The following ZFHX3 variants were observed in gnomAD, a reference collection of about 807,000 sequenced individuals.
ZFHX3 encodes zinc finger homeobox 3.
ZFHX3 carries 42 observed loss-of-function variants against 279.1 expected under a neutral mutation model. The ratio of observed to expected loss-of-function variants is 0.15; its 90% CI spans 0.12 to 0.19. The LOEUF (loss-of-function observed/expected upper bound fraction) is 0.19. Among genes scored for constraint, ZFHX3 ranks in the 10% least tolerant of loss-of-function variants. The pLI is 1.00. For missense variants in ZFHX3, 4,981 were observed against 4,754.0 expected, an observed-to-expected ratio of 1.05 and a Z score of -1.40; for synonymous variants, 2,293 against 1,957.8, an observed-to-expected ratio of 1.17 and a Z score of -4.52.
intron 2 of ZFHX3, among the ~76,000 whole-genome samples, chr16:73,672,296 C>A (rs538121935): frequency 6.6e-6 from 1 of 152,044 alleles, no homozygotes; most frequent in Non-Finnish European, 1.5e-5. Flanking sequence ...ATATACAAAA[C>A]CAAAATATAT....
chr16:73,165,237 A>G (rs545392443), intron 5 of ZFHX3, among the ~76,000 whole-genome samples: 54 of 152,328 alleles, frequency 3.5e-4, no homozygotes, highest in African/African-American at 1.2e-3. Flanking sequence ...ACCCGGATGC[A>G]AAACACGCCG....
In ZFHX3 at chr16:73,469,625, A is replaced by ATTT. The variant is rs201421708; in HGVS notation, c.-1546-13368_-1546-13367insAAA. On this transcript the variant is annotated intron_variant, in intron 2 of 17. Transcript: ENST00000641206. ...TAGTCCCAACCTCCAATATATATAT[A>ATTT]TATTTTTTTTGAGACAGAATCTCAC... is the stretch of plus-strand genomic sequence containing the variant. Among the ~76,000 whole-genome samples the ATTT allele has an allele frequency of 0.016, 2,400 of 151,120 alleles. 177 individuals are homozygous for ATTT. The East Asian group carries it at 0.25, about 16-fold the overall frequency.
chr16:73,079,654 C>A (rs6416750), intron 8 of ZFHX3, among the ~76,000 whole-genome samples: 141,703 of 151,926 alleles, frequency 0.93, 66,150 homozygotes, highest in East Asian at 1. Context: ...TCTTTACTCC[C>A]TTTCTACTTG....
At chr16:72,802,860 A>C (rs2036149724) in intron 7 of ZFHX3, among the ~76,000 whole-genome samples, 1 of 152,180 alleles carries the variant, frequency 6.6e-6, no homozygotes, top group African/African-American at 2.4e-5. Context: ...CTGCCAACAG[A>C]GCCCATTGAG....
chr16:73,575,762 C>T (rs185959733), intron 2 of ZFHX3, among the ~76,000 whole-genome samples: 1 of 152,284 alleles, frequency 6.6e-6, no homozygotes, highest in East Asian at 1.9e-4. Context: ...ACATCTCACT[C>T]ATGCCGCGGG....
chr16:73,660,380 T>C (rs1408535285), intron 2 of ZFHX3, among the ~76,000 whole-genome samples: 2 of 152,184 alleles, frequency 1.3e-5, no homozygotes, highest in South Asian at 4.2e-4. Flanking sequence ...TGGACACATT[T>C]AAATTACTGT....
At chr16:73,653,499 A>G (rs1374127620) in intron 2 of ZFHX3, among the ~76,000 whole-genome samples, 2 of 152,204 alleles carry the variant, frequency 1.3e-5, no homozygotes. Context: ...ACTATGGCTC[A>G]ACAAAGGAAT....
chr16:73,147,009 G>C (rs11644085), intron 5 of ZFHX3, among the ~76,000 whole-genome samples: 1 of 152,154 alleles, frequency 6.6e-6, no homozygotes, highest in Non-Finnish European at 1.5e-5. Context: ...AAACATCCTA[G>C]GGAGAAAAGT....
At chr16:73,487,520 C>G in intron 2 of ZFHX3, 1 of 380,578 alleles carries the variant, frequency 2.6e-6, no homozygotes, top group South Asian at 2.0e-5. Context: ...CCCACCTCAG[C>G]CTTCTGAGTA....
intron 1 of ZFHX3, among the ~76,000 whole-genome samples, chr16:73,696,315 C>T (rs1010331682): frequency 1.3e-5 from 2 of 151,984 alleles, no homozygotes; most frequent in African/African-American, 4.8e-5. Context: ...GGCAGAACAC[C>T]GTCAGGGTCT....
At chr16:73,471,903 A>C (rs2018674927) in intron 2 of ZFHX3, among the ~76,000 whole-genome samples, 1 of 152,086 alleles carries the variant, frequency 6.6e-6, no homozygotes, top group African/African-American at 2.4e-5. Flanking sequence ...TAGCATTTCA[A>C]ACAGGAGCAA....
chr16:73,399,546 G>A lies in ZFHX3; in HGVS notation c.-1291+56457C>T, dbSNP rs116974145. 6.6e-3 allele frequency among the ~76,000 whole-genome samples: 1,008 copies of A among 152,174 alleles called. 5 individuals are homozygous for A. The highest frequency in any genetic ancestry group is 0.011 in the Non-Finnish European group (717 of 68,010). On this transcript the variant is annotated intron_variant, in intron 3 of 17. Transcript: ENST00000641206. ...ACCTATTTCATTGACTCTAAGATGC[G>A]TTTTCACAAAGGTGCAAATGGGTTG...
intron 2 of ZFHX3, among the ~76,000 whole-genome samples, chr16:73,534,329 A>G (rs1460782722): frequency 6.6e-6 from 1 of 152,154 alleles, no homozygotes; most frequent in Admixed American, 6.5e-5. Flanking sequence ...CTCTTTGCTT[A>G]AATATCCTCT....
intron 4 of ZFHX3, among the ~76,000 whole-genome samples, chr16:73,315,065 T>C (rs985082480): frequency 5.9e-5 from 9 of 152,124 alleles, no homozygotes; most frequent in African/African-American, 2.2e-4. Flanking sequence ...CTGTCTCTAC[T>C]AAAAATACAA....
At chr16:73,854,517 G>A (rs1246890885) in intron 1 of ZFHX3, among the ~76,000 whole-genome samples, 1 of 151,994 alleles carries the variant, frequency 6.6e-6, no homozygotes, top group Non-Finnish European at 1.5e-5. Flanking sequence ...GCAAGACTCT[G>A]TCTCATAAGA....
At chr16:72,863,778 G>C (rs796090251) in intron 4 of ZFHX3, among the ~76,000 whole-genome samples, 8 of 152,138 alleles carry the variant, frequency 5.3e-5, no homozygotes, top group African/African-American at 1.9e-4. Flanking sequence ...CATGGGGTCT[G>C]CTGGTTCATG....
chr16:73,486,658 G>C, intron 2 of ZFHX3: 2 of 390,898 alleles, frequency 5.1e-6, no homozygotes, highest in South Asian at 3.8e-5. Context: ...ATAGTGCTGG[G>C]ATTAGAGGTG....
intron 4 of ZFHX3, among the ~76,000 whole-genome samples, chr16:72,840,518 A>T (rs1248582689): frequency 6.6e-6 from 1 of 152,202 alleles, no homozygotes; most frequent in African/African-American, 2.4e-5. Flanking sequence ...AAGCAAAGAG[A>T]AAAAGAAAGA....
At chr16:73,637,439 G>T (rs2052537637) in intron 2 of ZFHX3, among the ~76,000 whole-genome samples, 1 of 151,548 alleles carries the variant, frequency 6.6e-6, no homozygotes, top group African/African-American at 2.4e-5. Flanking sequence ...CACTATGTTT[G>T]TCAGTCTGGT....
Sources: allele counts gnomAD v4.1 joint callset (sites outside exome capture counted in the v4.1 genomes callset), GRCh38; gene constraint gnomAD v4.1.1; transcripts MANE v1.5; gene names NCBI Gene and HGNC (gene_info 2026-07-23, HGNC 2026-07-21).